The following LGSN variants were observed in gnomAD, a reference collection of about 807,000 sequenced individuals.
LGSN encodes the protein lengsin.
LGSN carries 21 observed loss-of-function variants against 19.5 expected under a neutral mutation model. That is an observed-to-expected ratio of 1.07 (90% CI 0.76 to 1.55). LGSN has a LOEUF of 1.55. Among genes scored for constraint, LGSN ranks in the 40% most tolerant of loss-of-function variants. LGSN has a pLI of 0.00. For missense variants in LGSN, 673 were observed against 608.5 expected, an observed-to-expected ratio of 1.11 and a Z score of -1.12; for synonymous variants, 257 against 215.6, an observed-to-expected ratio of 1.19 and a Z score of -1.68.
chr6:63,551,075 T>C, the LGSN span, among the ~76,000 whole-genome samples: 1 of 152,106 alleles, frequency 6.6e-6, no homozygotes, highest in East Asian at 1.9e-4. Flanking sequence ...TTGTTGTTGC[T>C]GTTGTTTTGA....
chr6:63,561,701 C>T, the LGSN span, among the ~76,000 whole-genome samples: 1 of 152,190 alleles, frequency 6.6e-6, no homozygotes, highest in Admixed American at 6.5e-5. Flanking sequence ...TAGCCACAAA[C>T]ATGATACATA....
the LGSN span, among the ~76,000 whole-genome samples, chr6:63,328,880 T>C: frequency 0.053 from 8,041 of 152,254 alleles, 707 homozygotes; most frequent in African/African-American, 0.18. Context: ...GATCCATAGT[T>C]GGCAAAAGCC....
chr6:63,503,589 C>T, the LGSN span, among the ~76,000 whole-genome samples: 1 of 152,184 alleles, frequency 6.6e-6, no homozygotes, highest in Non-Finnish European at 1.5e-5. Flanking sequence ...AAGTATAGGT[C>T]TGCTGAGTAA....
chr6:63,312,584 T>C (rs1030769622), intron 1 of LGSN, among the ~76,000 whole-genome samples: 2 of 152,218 alleles, frequency 1.3e-5, no homozygotes, highest in Non-Finnish European at 1.5e-5. Flanking sequence ...CATTAATTAC[T>C]TTAGTCCCAG....
chr6:63,409,284 T>C, the LGSN span, among the ~76,000 whole-genome samples: 8 of 152,266 alleles, frequency 5.3e-5, no homozygotes, highest in Admixed American at 4.6e-4. Flanking sequence ...GTTAAGTGTT[T>C]CTTTAGATTA....
chr6:63,505,573 G>GAAAGAGAAAGAAAGAAAGAA, the LGSN span, among the ~76,000 whole-genome samples: 25 of 62,888 alleles, frequency 4.0e-4, 2 homozygotes, highest in African/African-American at 1.1e-3. Context: ...AAAAAAGAAA[G>GAAAGAGAAAGAAAGAAAGAA]AAAGAAAGAA....
At chr6:63,281,485 A>G (rs2127381452) in intron 3 of LGSN, among the ~76,000 whole-genome samples, 1 of 151,954 alleles carries the variant, frequency 6.6e-6, no homozygotes, top group East Asian at 1.9e-4. Flanking sequence ...TAGATCTGAA[A>G]ATAGCAGTTA....
the LGSN span, among the ~76,000 whole-genome samples, chr6:63,427,329 C>A: frequency 5.2e-4 from 79 of 152,272 alleles, no homozygotes; most frequent in African/African-American, 1.9e-3. Flanking sequence ...CAGGCATAAG[C>A]CCCCATGCCC....
intron 1 of LGSN, among the ~76,000 whole-genome samples, chr6:63,297,996 T>C (rs754484310): frequency 3.3e-5 from 5 of 152,236 alleles, no homozygotes; most frequent in Non-Finnish European, 5.9e-5. Flanking sequence ...TCCATAAATG[T>C]CATCTGACCA....
At chr6:63,299,814 TACTAA>T (rs1768116059) in intron 1 of LGSN, among the ~76,000 whole-genome samples, 1 of 152,208 alleles carries the variant, frequency 6.6e-6, no homozygotes, top group Non-Finnish European at 1.5e-5. Flanking sequence ...GAATTGTCAA[TACTAA>T]ATATAATTCA....
intron 1 of LGSN, among the ~76,000 whole-genome samples, chr6:63,311,295 T>G (rs1768618290): frequency 6.6e-6 from 1 of 152,214 alleles, no homozygotes; most frequent in South Asian, 2.1e-4. Context: ...TACTTTAAGT[T>G]TTCAGTCAGA....
the LGSN span, chr6:63,549,028 CGTCGTGTG>C: frequency 2.7e-6 from 2 of 727,326 alleles, no homozygotes; most frequent in Admixed American, 3.8e-5. Context: ...ATGGGATCCA[CGTCGTGTG>C]CAATCACCAC....
At chr6:63,477,797 G>A in the LGSN span, among the ~76,000 whole-genome samples, 24 of 134,998 alleles carry the variant, frequency 1.8e-4, no homozygotes, top group Admixed American at 1.3e-3. Flanking sequence ...GCCTTTCAAA[G>A]TGCTGGGATT....
At chr6:63,413,437 T>G in the LGSN span, among the ~76,000 whole-genome samples, 1 of 152,200 alleles carries the variant, frequency 6.6e-6, no homozygotes, top group Admixed American at 6.5e-5. Flanking sequence ...TTGTTTCTCC[T>G]AATATCTAAT....
the LGSN span, among the ~76,000 whole-genome samples, chr6:63,359,282 G>C: frequency 6.6e-6 from 1 of 152,156 alleles, no homozygotes. Context: ...AGGAATATTG[G>C]TCTAAAATTC....
chr6:63,315,194 C>G (rs72875123), intron 1 of LGSN, among the ~76,000 whole-genome samples: 1 of 152,036 alleles, frequency 6.6e-6, no homozygotes, highest in African/African-American at 2.4e-5. Flanking sequence ...TAATTATAAC[C>G]AAGACCTACC....
chr6:63,449,306 G>A, the LGSN span, among the ~76,000 whole-genome samples: 2 of 152,060 alleles, frequency 1.3e-5, no homozygotes, highest in African/African-American at 4.8e-5. Flanking sequence ...CTGCACTTTG[G>A]GAGGCCGAGG....
the LGSN span, among the ~76,000 whole-genome samples, chr6:63,401,453 T>C: frequency 6.6e-6 from 1 of 150,532 alleles, no homozygotes; most frequent in African/African-American, 2.4e-5. Context: ...AAAAAGTTAA[T>C]AATTAATAAA....
At chr6:63,333,710 T>G in the LGSN span, among the ~76,000 whole-genome samples, 1 of 151,640 alleles carries the variant, frequency 6.6e-6, no homozygotes, top group African/African-American at 2.4e-5. Flanking sequence ...CTGATGAACA[T>G]AAACTCAAAA....
Sources: gnomAD v4.1 joint callset for allele counts (sites outside exome capture counted in the v4.1 genomes callset) on GRCh38, gnomAD v4.1.1 for gene constraint, MANE v1.5 for transcripts, NCBI Gene and HGNC (gene_info 2026-07-23, HGNC 2026-07-21) for gene names.